ARHGEF12: variants seen among roughly 807,000 people sequenced by gnomAD.
The protein encoded by ARHGEF12 is Rho guanine nucleotide exchange factor 12.
Under a neutral mutation model 211.2 loss-of-function variants are expected in ARHGEF12, and 66 were observed. The ratio of observed to expected loss-of-function variants is 0.31; its 90% confidence interval spans 0.26 to 0.38. ARHGEF12 has a LOEUF of 0.38. Ranked by LOEUF, ARHGEF12 falls within the 10% of genes least tolerant of loss-of-function variation. ARHGEF12 has a pLI of 1.00. For synonymous variants in ARHGEF12, 592 were observed against 638.4 expected, an observed-to-expected ratio of 0.93 and a Z score of 1.09; for missense variants, 1,429 against 1,869.5, an observed-to-expected ratio of 0.76 and a Z score of 4.34.
chr11:120,390,560 T>C (rs1339713767), intron 1 of ARHGEF12, among the ~76,000 whole-genome samples: 1 of 152,218 alleles, frequency 6.6e-6, no homozygotes, highest in Non-Finnish European at 1.5e-5. Flanking sequence ...ATACAGATTG[T>C]GTAGGATTGG....
rs1385846555 is a variant in ARHGEF12 at position 120,407,796 on chromosome 11, A to G, written c.115A>G (p.Ile39Val). The change falls in exon 3 of 41, where the codon ATT becomes GTT. Residue 39 changes from isoleucine (I) to valine (V), a missense_variant. Physicochemically the swap from Ile to Val is conservative, Grantham distance 29. This residue lies in a region of ARHGEF12 where 41 missense variants were observed against 48.6 expected (regional missense o/e 0.84). Transcript: ENST00000397843. ...AGATAAGAAGCAGAAAGTTGAGCGC[A>G]TTGCATCACATGATTTTGACCCCAC... ...PTDKKQKVER[I>V]ASHDFDPTDS... is the part of the protein sequence containing the mutation. The G allele has an allele frequency of 1.4e-5, 23 of 1,613,576 alleles. No homozygotes were observed. Among genetic ancestry groups the G allele is most frequent in the Admixed American group, 5.0e-5 (3 of 59,988 alleles).
intron 10 of ARHGEF12, among the ~76,000 whole-genome samples, chr11:120,430,611 G>A (rs777579368): frequency 4.6e-5 from 7 of 152,146 alleles, no homozygotes; most frequent in Non-Finnish European, 7.3e-5. Context: ...AAGCAAAGTA[G>A]ATAAATTGCC....
intron 1 of ARHGEF12, among the ~76,000 whole-genome samples, chr11:120,383,386 A>G (rs1172864038): frequency 6.6e-6 from 1 of 152,162 alleles, no homozygotes; most frequent in Admixed American, 6.5e-5. Flanking sequence ...ATTCAAGCAC[A>G]TTACATTTAT....
chr11:120,384,939 G>A (rs1461053925), intron 1 of ARHGEF12, among the ~76,000 whole-genome samples: 4 of 150,754 alleles, frequency 2.7e-5, no homozygotes, highest in African/African-American at 4.9e-5. Flanking sequence ...AGGAAAAGGA[G>A]CAGTAACAAC....
intron 6 of ARHGEF12, among the ~76,000 whole-genome samples, 182 bp downstream of exon 6, chr11:120,422,034 C>T (rs950520027): frequency 1.3e-5 from 2 of 151,858 alleles, no homozygotes; most frequent in Non-Finnish European, 1.5e-5. Context: ...TACTGAAGGA[C>T]GTAATAAAAG....
intron 1 of ARHGEF12, among the ~76,000 whole-genome samples, chr11:120,361,950 T>A (rs1445815695): frequency 2.0e-5 from 3 of 152,240 alleles, no homozygotes; most frequent in Non-Finnish European, 4.4e-5. Context: ...TCCACTCTTT[T>A]TGCCAAACTC....
chr11:120,399,303 A>G (rs1479780607), intron 1 of ARHGEF12, among the ~76,000 whole-genome samples: 2 of 127,918 alleles, frequency 1.6e-5, no homozygotes, highest in South Asian at 2.9e-4. Context: ...CCTGAGTGAG[A>G]GAGTGAGACA....
rs1048114213 is a variant in ARHGEF12 at position 120,487,898 on chromosome 11, G to C, written c.*2821G>C. 2.3e-5 allele frequency: 5 copies of C among 219,266 alleles called. No homozygotes were observed. Among genetic ancestry groups the C allele is most frequent in the African/African-American group, 1.1e-4 (5 of 44,518 alleles). The allele number at this position is 219,266 out of a possible 1,614,324, so 13.6% of individuals were successfully genotyped here. A position where few individuals can be genotyped will look rare whatever the true frequency, so the allele number is the denominator to read the frequency against. ...TACCACCTTCGAAGCTATATATTTT[G>C]CATACTTTAAAATCACCTAACTTGG... On this transcript the variant is annotated 3_prime_UTR_variant, in exon 41 of 41. Transcript: ENST00000397843.
chr11:120,397,228 A>C (rs183465704), intron 1 of ARHGEF12, among the ~76,000 whole-genome samples: 25 of 152,268 alleles, frequency 1.6e-4, no homozygotes, highest in African/African-American at 6.0e-4. Flanking sequence ...CATTAAAATA[A>C]TTTTACCCTG....
At chr11:120,474,441 T>G (rs1309638095) in intron 31 of ARHGEF12, 119 bp from the exon 32 acceptor site, 1 of 620,790 alleles carries the variant, frequency 1.6e-6, no homozygotes, top group Non-Finnish European at 2.6e-6. Flanking sequence ...ATAATGATAG[T>G]TGAATGTAAA....
chr11:120,371,147 A>G (rs1477647408), intron 1 of ARHGEF12, among the ~76,000 whole-genome samples: 6 of 152,040 alleles, frequency 3.9e-5, no homozygotes, highest in African/African-American at 7.3e-5. Context: ...TTTCTAGGGG[A>G]AAAAAATGCC....
chr11:120,473,767 A>G (rs750976973), intron 31 of ARHGEF12, among the ~76,000 whole-genome samples: 1 of 152,252 alleles, frequency 6.6e-6, no homozygotes, highest in East Asian at 1.9e-4. Context: ...ACAAGATAGC[A>G]TACTATTTTC....
intron 1 of ARHGEF12, chr11:120,337,727 A>T (rs768495438): frequency 9.9e-5 from 98 of 985,346 alleles, no homozygotes; most frequent in African/African-American, 1.4e-4. Flanking sequence ...AGCCTACTGC[A>T]TGGTGATCTG....
intron 7 of ARHGEF12, among the ~76,000 whole-genome samples, chr11:120,425,520 G>A (rs1945317830): frequency 6.6e-6 from 1 of 151,638 alleles, no homozygotes; most frequent in African/African-American, 2.4e-5. Context: ...TCCCCAGGCT[G>A]CTGTCAAACT....
chr11:120,370,672 A>G (rs1383153090), intron 1 of ARHGEF12, among the ~76,000 whole-genome samples: 6 of 152,152 alleles, frequency 3.9e-5, no homozygotes, highest in Non-Finnish European at 7.4e-5. Context: ...TGTATCCAAA[A>G]GTCTTAAAAC....
chr11:120,469,648 A>G (rs1381262167), intron 30 of ARHGEF12, among the ~76,000 whole-genome samples: 1 of 152,208 alleles, frequency 6.6e-6, no homozygotes, highest in East Asian at 1.9e-4. Flanking sequence ...TAGAACATCT[A>G]CTGTATGCTG....
intron 28 of ARHGEF12, among the ~76,000 whole-genome samples, chr11:120,466,945 T>C (rs1217582198): frequency 6.6e-6 from 1 of 152,222 alleles, no homozygotes; most frequent in East Asian, 1.9e-4. Context: ...TAGAGCTGCT[T>C]ATGGATGCTT....
intron 22 of ARHGEF12, among the ~76,000 whole-genome samples, chr11:120,456,068 T>C (rs1392598737): frequency 6.6e-6 from 1 of 152,250 alleles, no homozygotes; most frequent in African/African-American, 2.4e-5. Context: ...GCAGGAATGA[T>C]GTATATATGT....
In ARHGEF12 at chr11:120,488,137, G is replaced by A. The variant is rs557063687; in HGVS notation, c.*3060G>A. On this transcript the variant is annotated 3_prime_UTR_variant, in exon 41 of 41. Coordinates refer to ENST00000397843, the MANE Select transcript of ARHGEF12 (RefSeq NM_015313.3). ...GAAGTCCATTTAAAAATTATTTTTA[G>A]AAGCTAAAGAAAGTAATTATGCTTC... The A allele has an allele frequency of 2.3e-5, 5 of 215,744 alleles. No homozygotes were observed. In the East Asian group the frequency reaches 3.5e-4, roughly 15 times the overall value. The allele number at this position is 215,744 out of a possible 1,614,324, so 13.4% of individuals were successfully genotyped here.
Sources: gnomAD v4.1 joint callset for allele counts (sites outside exome capture counted in the v4.1 genomes callset) on GRCh38, gnomAD v4.1.1 for gene constraint, gnomAD v4.1.1 regional missense constraint, MANE v1.5 for transcripts, NCBI Gene and HGNC (gene_info 2026-07-23, HGNC 2026-07-21) for gene names.